FGF14: variants seen among roughly 807,000 people sequenced by gnomAD.
FGF14 encodes fibroblast growth factor 14, also known as fibroblast growth factor homologous factor 4.
Under a neutral mutation model 25.5 loss-of-function variants are expected in FGF14, and 5 were observed. The ratio of observed to expected loss-of-function variants is 0.20; its 90% CI spans 0.10 to 0.41. The LOEUF (loss-of-function observed/expected upper bound fraction) is 0.41. FGF14 is among the 10% of genes least tolerant of loss of function. FGF14 has a pLI of 1.00. For missense variants in FGF14, 222 were observed against 320.1 expected (o/e 0.69, Z 2.34); for synonymous variants, 138 against 118.3 (o/e 1.17, Z -1.08).
chr13:102,065,019 A>T (rs936866656), intron 1 of FGF14, among the ~76,000 whole-genome samples: 31 of 152,050 alleles, frequency 2.0e-4, no homozygotes, highest in African/African-American at 6.3e-4. Flanking sequence ...ATATAATGTC[A>T]CTCTCTTTTC....
At chr13:101,740,965 T>C (rs2036514862) in intron 3 of FGF14, among the ~76,000 whole-genome samples, 1 of 152,208 alleles carries the variant, frequency 6.6e-6, no homozygotes, top group Admixed American at 6.5e-5. Flanking sequence ...AAATTTCTTA[T>C]GGTTTTATGT....
At chr13:101,917,205 G>C (rs1594721872), upstream of FGF14, among the ~76,000 whole-genome samples, 1 of 151,994 alleles carries the variant, frequency 6.6e-6, no homozygotes, top group Non-Finnish European at 1.5e-5. Flanking sequence ...GGCTTCTGCC[G>C]GTGATTGTCA....
chr13:102,043,688 G>A (rs1032212641), intron 1 of FGF14, among the ~76,000 whole-genome samples: 1 of 152,128 alleles, frequency 6.6e-6, no homozygotes, highest in Non-Finnish European at 1.5e-5. Flanking sequence ...CCGAAACAGT[G>A]AGCCATATAA....
chr13:102,316,316 A>C (rs182791203), intron 1 of FGF14, among the ~76,000 whole-genome samples: 1 of 152,354 alleles, frequency 6.6e-6, no homozygotes, highest in African/African-American at 2.4e-5. Context: ...ATAGTCTCTC[A>C]ACATGCACAT....
At position 102,254,851 on chromosome 13, in the gene FGF14, G is replaced by A. The variant is rs115438028; in HGVS notation, c.208+146620C>T. ...GACATAGCTGAAGTCCTGGAGACCT[G>A]GAGAAAATATAGAGATTGCAGGCTA... On this transcript the variant is annotated intron_variant, in intron 1 of 4. Transcript: ENST00000376131. Among the ~76,000 whole-genome samples the A allele has an allele frequency of 3.7e-3, 556 of 152,234 alleles. 5 individuals carry two copies. The highest frequency in any genetic ancestry group is 0.013 in the African/African-American group (528 of 41,544).
intron 1 of FGF14, among the ~76,000 whole-genome samples, chr13:101,956,323 C>A (rs2036513182): frequency 6.6e-6 from 1 of 152,134 alleles, no homozygotes; most frequent in African/African-American, 2.4e-5. Context: ...CTTGACATTG[C>A]GTATTATCAT....
At chr13:102,348,918 TC>T (rs2057191917) in intron 1 of FGF14, among the ~76,000 whole-genome samples, 1 of 152,164 alleles carries the variant, frequency 6.6e-6, no homozygotes, top group African/African-American at 2.4e-5. Context: ...AATCTTCTCT[TC>T]CTGGAAACTG....
At chr13:102,099,692 A>T (rs1566683819) in intron 1 of FGF14, among the ~76,000 whole-genome samples, 1 of 151,986 alleles carries the variant, frequency 6.6e-6, no homozygotes, top group Non-Finnish European at 1.5e-5. Flanking sequence ...TACCTCAAAA[A>T]CATCTCTTAT....
At chr13:102,315,564 G>A in intron 1 of FGF14, among the ~76,000 whole-genome samples, 1 of 152,246 alleles carries the variant, frequency 6.6e-6, no homozygotes, top group South Asian at 2.1e-4. Flanking sequence ...TGCAAAAAGG[G>A]AACTCAATGG....
At chr13:101,975,124 C>T (rs1168048268) in intron 1 of FGF14, among the ~76,000 whole-genome samples, 1 of 152,116 alleles carries the variant, frequency 6.6e-6, no homozygotes, top group African/African-American at 2.4e-5. Context: ...TGACGACTGA[C>T]ACCTTCCCTG....
At chr13:102,301,561 C>T (rs746369464) in intron 1 of FGF14, among the ~76,000 whole-genome samples, 3 of 152,012 alleles carry the variant, frequency 2.0e-5, no homozygotes, top group Non-Finnish European at 4.4e-5. Context: ...AAAGCTTTGA[C>T]TTCTGAGCTT....
At chr13:102,326,780 AAAGG>A (rs565977959) in intron 1 of FGF14, among the ~76,000 whole-genome samples, 96 of 150,174 alleles carry the variant, frequency 6.4e-4, no homozygotes, top group Middle Eastern at 6.8e-3. Flanking sequence ...GGAAGAAAAA[AAAGG>A]AAGGAAGGAA....
chr13:102,185,060 A>G lies in FGF14; in HGVS notation c.208+216411T>C, dbSNP rs1052478083. On this transcript the variant is annotated intron_variant, in intron 1 of 4. Coordinates refer to the FGF14 transcript ENST00000376131. ...AACATTAAAAATGTCAAGTAAAGAA[A>G]GCATATGTTCTCAGGTAAATTAAAA... 2.6e-5 allele frequency among the ~76,000 whole-genome samples: 4 copies of G among 152,178 alleles called. No individual in the cohort carries two copies. The East Asian group carries it at 7.7e-4, about 29-fold the overall frequency.
In FGF14 at chr13:102,251,463, TC is replaced by T. The variant is rs578075002; in HGVS notation, c.208+150007del. Among the ~76,000 whole-genome samples the T allele has an allele frequency of 6.7e-4, 102 of 152,276 alleles. No homozygotes were observed. In the East Asian group the frequency reaches 0.017, roughly 25 times the overall value. Reference sequence around the variant, plus strand: ...TTGTTTTATTCACTTCCAAATTCAATCTTTTAAAACATCAAGAAACAGGATC... The same window carrying T: ...TTGTTTTATTCACTTCCAAATTCAATTTTTAAAACATCAAGAAACAGGATC... On this transcript the variant is annotated intron_variant, in intron 1 of 4. Transcript: ENST00000376131.
chr13:102,068,711 G>C (rs965842037), intron 1 of FGF14, among the ~76,000 whole-genome samples: 3 of 152,194 alleles, frequency 2.0e-5, no homozygotes, highest in East Asian at 1.9e-4. Context: ...GCCTTCCCGC[G>C]GGGCAGGGCT....
chr13:102,175,965 G>C (rs757572792), intron 1 of FGF14, among the ~76,000 whole-genome samples: 7 of 151,932 alleles, frequency 4.6e-5, no homozygotes, highest in African/African-American at 1.7e-4. Context: ...ATACATTGTC[G>C]GTGGGAATGT....
chr13:102,143,113 C>A (rs746469325), intron 1 of FGF14, among the ~76,000 whole-genome samples: 1 of 152,110 alleles, frequency 6.6e-6, no homozygotes, highest in Non-Finnish European at 1.5e-5. Flanking sequence ...GACACAGATA[C>A]CCACTTATCC....
intron 1 of FGF14, among the ~76,000 whole-genome samples, chr13:101,932,756 TA>T (rs869271842): frequency 0.05 from 4,972 of 98,558 alleles, 252 homozygotes; most frequent in African/African-American, 0.18. Context: ...AAAATTACAG[TA>T]AAAAAAAAAA....
rs560064996 is a variant in FGF14 at position 102,234,784 on chromosome 13, C to T, written c.208+166687G>A. Among the ~76,000 whole-genome samples, 9 of 152,230 alleles carry T rather than the reference C, an allele frequency of 5.9e-5. No homozygotes were observed. The South Asian group carries it at 6.2e-4, about 11-fold the overall frequency. On this transcript the variant is annotated intron_variant, in intron 1 of 4. Coordinates refer to the FGF14 transcript ENST00000376131. ...TACATCTGAGCTTATGAAACATACA[C>T]GTTTGTCATCTCCCCAGCGATGTGT...
Sources: gnomAD v4.1 joint callset for allele counts (sites outside exome capture counted in the v4.1 genomes callset) on GRCh38, gnomAD v4.1.1 for gene constraint, MANE v1.5 for transcripts, NCBI Gene and HGNC (gene_info 2026-07-23, HGNC 2026-07-21) for gene names.